CLDN7: variants seen among roughly 807,000 people sequenced by gnomAD.
CLDN7 encodes the protein claudin 7.
CLDN7 carries 15 observed loss-of-function variants against 20.3 expected under a neutral mutation model. The observed-to-expected ratio is 0.74, with a 90% confidence interval of 0.49 to 1.14. The LOEUF is 1.14. Among genes scored for constraint, CLDN7 ranks in the 50% most tolerant of loss-of-function variants. The pLI, the probability that CLDN7 is intolerant of heterozygous loss-of-function variation, is 0.00. For synonymous variants in CLDN7, 117 were observed against 106.1 expected, an observed-to-expected ratio of 1.10 and a Z score of -0.63; for missense variants, 261 against 274.2, an observed-to-expected ratio of 0.95 and a Z score of 0.34.
chr17:7,260,878 C>T lies in CLDN7; in HGVS notation c.331G>A (p.Asp111Asn), dbSNP rs568777982. 1.2e-6 allele frequency: 2 copies of T among 1,614,252 alleles called. No individual in the cohort carries two copies. The highest frequency in any genetic ancestry group is 1.7e-6 in the Non-Finnish European group (2 of 1,180,056). Reference protein sequence around the residue: ...GMKCTRCGGDDKVKKARIAMG... With the variant: ...GMKCTRCGGDNKVKKARIAMG... The stretch of plus-strand genomic sequence containing the variant: ...GCTATACGGGCCTTCTTCACTTTGT[C>T]GTCTCCCCCACAGCGCGTGCACTTC... Residue 111 changes from aspartate (D) to asparagine (N), a missense_variant, in exon 2 of 4, where the codon GAC (aspartate) becomes AAC (asparagine). Coordinates refer to ENST00000360325, the MANE Select transcript of CLDN7 (RefSeq NM_001307.6).
In CLDN7 at chr17:7,260,476, TCCC is replaced by T. The variant is rs1208885081; in HGVS notation, c.531_533del (p.Gly179del). 6.2e-7 allele frequency: 1 copy of T among 1,613,388 alleles called. No homozygotes were observed. The highest frequency in any genetic ancestry group is 8.5e-7 in the Non-Finnish European group (1 of 1,179,794). On this transcript the variant is annotated inframe_deletion, in exon 4 of 4. Transcript: ENST00000360325. ...GACAGGAACAGGAGAGCAGTGCACC[TCCC>T]AGGATGACTAGGGCAGACCCTGCCC...
rs1216700220 is a variant in CLDN7, at chr17:7,260,009, T to C, written c.*365A>G. 3 of 340,970 alleles carry C rather than the reference T, an allele frequency of 8.8e-6. No individual in the cohort carries two copies. Among genetic ancestry groups the C allele is most frequent in the Non-Finnish European group, 1.6e-5 (3 of 188,014 alleles). 21.1% of individuals were successfully genotyped at this position (340,970 alleles called of 1,614,324 possible). On this transcript the variant is annotated 3_prime_UTR_variant, in exon 4 of 4. Coordinates refer to ENST00000360325, the MANE Select transcript of CLDN7 (RefSeq NM_001307.6). ...GTCGAGATACGAGCACCTGCATCTT[T>C]TAGTCAATTGTCAGTGGAGTCAGTG...
At position 7,262,036 on chromosome 17, in the gene CLDN7, T is replaced by C. The variant is rs374655416; in HGVS notation, c.8A>G (p.Asn3Ser). Residue 3 changes from asparagine (N) to serine (S), a missense_variant, in exon 1 of 4, where the codon AAT becomes AGT. Physicochemically the swap from Asn to Ser is conservative, Grantham distance 46 (BLOSUM62 1). This residue lies in a region of CLDN7 where 46 missense variants were observed against 74.6 expected (regional missense o/e 0.62). Coordinates refer to ENST00000360325, the MANE Select transcript of CLDN7 (RefSeq NM_001307.6). The surrounding 1 kb of genome is among the most constrained non-coding windows in gnomAD (Gnocchi z 6.6). Reference protein sequence around the residue: MANSGLQLLGFSM... With the variant: MASSGLQLLGFSM... Reference sequence around the variant, plus strand: ...GAAGCCCAGCAACTGCAGGCCCGAATTGGCCATTTCCGCCCTCAGAAAACA... The same window carrying C: ...GAAGCCCAGCAACTGCAGGCCCGAACTGGCCATTTCCGCCCTCAGAAAACA... 44 of 1,611,714 alleles carry C rather than the reference T, an allele frequency of 2.7e-5. No individual in the cohort carries two copies. The African/African-American group carries it at 5.2e-4, about 19-fold the overall frequency.
Position 7,262,472 on chromosome 17 carries a change from T to G in CLDN7, c.-429A>C. ...GGTGGCTCGGAGGTGAGCCAGCAGG[T>G]GCGGGCGGACAGGTGGGGCGCACCT... On this transcript the variant is annotated 5_prime_UTR_variant, in exon 1 of 4. Coordinates refer to ENST00000360325, the MANE Select transcript of CLDN7 (RefSeq NM_001307.6). This position sits in a 1 kb window ranked among gnomAD's most constrained non-coding sequence, Gnocchi z 6.6. 2.1e-6 allele frequency: 2 copies of G among 967,308 alleles called. No individual in the cohort carries two copies. Among genetic ancestry groups the G allele is most frequent in the South Asian group, 3.9e-5 (1 of 25,516 alleles). The allele number at this position is 967,308 out of a possible 1,614,324, so 59.9% of individuals were successfully genotyped here.
chr17:7,262,524 G>C, upstream of CLDN7: 2 of 538,726 alleles, frequency 3.7e-6, no homozygotes, highest in South Asian at 1.6e-4. This position sits in a 1 kb window ranked among gnomAD's most constrained non-coding sequence, Gnocchi z 6.6. Flanking sequence ...TCGGGGGCGC[G>C]GCCCGCGCGC....
At chr17:7,261,266 A>G in intron 1 of CLDN7, 1 of 477,702 alleles carries the variant, frequency 2.1e-6, no homozygotes, top group South Asian at 2.4e-5. Flanking sequence ...GGAAGGGTGA[A>G]AGGGTGCAGC....
In CLDN7 at chr17:7,259,963, AAG is replaced by A. The variant is rs926572189; in HGVS notation, c.*409_*410del. On this transcript the variant is annotated 3_prime_UTR_variant, in exon 4 of 4. Coordinates refer to ENST00000360325, the MANE Select transcript of CLDN7 (RefSeq NM_001307.6). ...GAAGTACTTTGGTAGCTATTTAAAT[AAG>A]AGGGGGGTGGGAATGAATGTCGAGA... 3.7e-5 allele frequency: 14 copies of A among 374,142 alleles called. No homozygotes were observed. The highest frequency in any genetic ancestry group is 2.1e-4 in the Admixed American group (5 of 23,360). 23.2% of individuals were successfully genotyped at this position (374,142 alleles called of 1,614,324 possible). A position where few individuals can be genotyped will look rare whatever the true frequency, so the allele number is the denominator to read the frequency against.
intron 1 of CLDN7, 46 bp from the exon 2 acceptor site, chr17:7,261,031 G>T (rs999018882): frequency 6.4e-7 from 1 of 1,563,774 alleles, no homozygotes; most frequent in East Asian, 2.3e-5. Context: ...AAATGCAGGC[G>T]GCTCCAGCCT....
Position 7,260,087 on chromosome 17 carries a change from G to GC in CLDN7, c.*286dup. On this transcript the variant is annotated 3_prime_UTR_variant, in exon 4 of 4. Coordinates refer to ENST00000360325, the MANE Select transcript of CLDN7 (RefSeq NM_001307.6). ...GGTGCACTAAGGTTCCAAGCTCCCTGCAAGGATCTGGACGGGAGGAAAGCA... is the reference window on the plus strand; with the variant it reads ...GGTGCACTAAGGTTCCAAGCTCCCTGCCAAGGATCTGGACGGGAGGAAAGCA... 2.9e-6 allele frequency: 1 copy of GC among 340,718 alleles called. No individual in the cohort carries two copies. The highest frequency in any genetic ancestry group is 5.3e-6 in the Non-Finnish European group (1 of 187,274). 21.1% of individuals were successfully genotyped at this position (340,718 alleles called of 1,614,324 possible). A position where few individuals can be genotyped will look rare whatever the true frequency, so the allele number is the denominator to read the frequency against.
At chr17:7,261,277 G>A (rs907698710) in intron 1 of CLDN7, 3 of 438,042 alleles carry the variant, frequency 6.8e-6, no homozygotes, top group East Asian at 4.4e-5. Context: ...AGGGTGCAGC[G>A]AAGAGAAGCC....
In CLDN7 at chr17:7,262,010, A is replaced by G. The variant is rs2072234516; in HGVS notation, c.34T>C (p.Ser12Pro). The G allele has an allele frequency of 6.2e-7, 1 of 1,613,828 alleles. No individual in the cohort carries two copies. Among genetic ancestry groups the G allele is most frequent in the Non-Finnish European group, 8.5e-7 (1 of 1,179,994 alleles). ...CCCACCCAGCCCAGCAGGGCCATGGAGAAGCCCAGCAACTGCAGGCCCGAA... is the reference window on the plus strand; with the variant it reads ...CCCACCCAGCCCAGCAGGGCCATGGGGAAGCCCAGCAACTGCAGGCCCGAA... ...ANSGLQLLGFSMALLGWVGLV... is the reference protein window; with the variant it reads ...ANSGLQLLGFPMALLGWVGLV... The change falls in exon 1 of 4, where the codon TCC becomes CCC. Residue 12 changes from serine to proline, a missense_variant. By Grantham distance (74) the Ser-to-Pro change is moderately conservative (BLOSUM62 -1). Transcript: ENST00000360325. This position sits in a 1 kb window ranked among gnomAD's most constrained non-coding sequence, Gnocchi z 6.6.
Position 7,262,325 on chromosome 17 carries a change from C to G in CLDN7, c.-282G>C, listed in dbSNP as rs897803569. The G allele has an allele frequency of 2.3e-6, 3 of 1,323,544 alleles. No individual in the cohort carries two copies. The highest frequency in any genetic ancestry group is 3.0e-5 in the African/African-American group (2 of 67,258). 82.0% of individuals were successfully genotyped at this position (1,323,544 alleles called of 1,614,324 possible). On this transcript the variant is annotated 5_prime_UTR_variant, in exon 1 of 4. Transcript: ENST00000360325. The surrounding 1 kb of genome is among the most constrained non-coding windows in gnomAD (Gnocchi z 6.6). ...GTCCCCGAAGGCCAGGCGGTTCCCT[C>G]CGGGCGCTCTCGGCGACCCTAGGCA...
At chr17:7,261,039 C>A (rs1156546911) in intron 1 of CLDN7, 54 bp from the exon 2 acceptor site, 12 of 1,547,126 alleles carry the variant, frequency 7.8e-6, no homozygotes, top group Non-Finnish European at 1.0e-5. Flanking sequence ...GCGGCTCCAG[C>A]CTTCGTGCCG....
chr17:7,261,130 G>T, intron 1 of CLDN7, 145 bp from the exon 2 acceptor site: 1 of 1,130,418 alleles, frequency 8.8e-7, no homozygotes, highest in Non-Finnish European at 1.2e-6. Context: ...AGGTGTCCAA[G>T]ACCTGGGCCA....
rs1393316222 is a variant in CLDN7 at position 7,261,110 on chromosome 17, AG to A, written c.224-126del. On this transcript the variant is annotated intron_variant, in intron 1 of 3. Coordinates refer to ENST00000360325, the MANE Select transcript of CLDN7 (RefSeq NM_001307.6). ...CCGGCGCCGTGTTCTGCCGAGGGCCAGGGGCGCCCAGGTGTCCAAGACCTGG... is the reference window on the plus strand; with the variant it reads ...CCGGCGCCGTGTTCTGCCGAGGGCCAGGGCGCCCAGGTGTCCAAGACCTGG... 7.6e-6 allele frequency: 10 copies of A among 1,319,994 alleles called. No homozygotes were observed. In the East Asian group the frequency reaches 2.5e-4, roughly 33 times the overall value. The allele number at this position is 1,319,994 out of a possible 1,614,324, so 81.8% of individuals were successfully genotyped here. A position where few individuals can be genotyped will look rare whatever the true frequency, so the allele number is the denominator to read the frequency against.
Position 7,262,326 on chromosome 17 carries a change from C to T in CLDN7, c.-283G>A, listed in dbSNP as rs2072239544. On this transcript the variant is annotated 5_prime_UTR_variant, in exon 1 of 4. Transcript: ENST00000360325. This position sits in a 1 kb window ranked among gnomAD's most constrained non-coding sequence, Gnocchi z 6.6. ...TCCCCGAAGGCCAGGCGGTTCCCTC[C>T]GGGCGCTCTCGGCGACCCTAGGCAA... 1 of 1,310,982 alleles carries T rather than the reference C, an allele frequency of 7.6e-7. No individual in the cohort carries two copies. The highest frequency in any genetic ancestry group is 1.6e-5 in the South Asian group (1 of 61,562). The allele number at this position is 1,310,982 out of a possible 1,614,324, so 81.2% of individuals were successfully genotyped here.
intron 1 of CLDN7, 70 bp from the exon 2 acceptor site, chr17:7,261,055 C>T: frequency 6.6e-7 from 1 of 1,515,130 alleles, no homozygotes; most frequent in South Asian, 1.2e-5. Flanking sequence ...TGCCGCCGGC[C>T]GCGCCCACTA....
At position 7,260,967 on chromosome 17, in the gene CLDN7, C is replaced by A. The variant is rs769041772; in HGVS notation, c.242G>T (p.Arg81Leu). ...LALSAALQATRALMVVSLVLG... is the reference protein window; with the variant it reads ...LALSAALQATLALMVVSLVLG... The stretch of plus-strand genomic sequence containing the variant: ...CACCAGGGAGACCACCATTAGGGCT[C>A]GAGTGGCCTGCAAGGCCGCTGCGGG... Residue 81 changes from arginine to leucine, a missense_variant, in exon 2 of 4, where the codon CGA (arginine) becomes CTA (leucine). Physicochemically the swap from Arg to Leu is moderately radical, Grantham distance 102. Coordinates refer to ENST00000360325, the MANE Select transcript of CLDN7 (RefSeq NM_001307.6). 6.2e-7 allele frequency: 1 copy of A among 1,612,530 alleles called. No homozygotes were observed. Among genetic ancestry groups the A allele is most frequent in the Non-Finnish European group, 8.5e-7 (1 of 1,179,914 alleles).
intron 1 of CLDN7, chr17:7,261,187 C>T (rs1203868082): frequency 1.2e-5 from 8 of 668,180 alleles, no homozygotes; most frequent in Non-Finnish European, 2.0e-5. Context: ...TTCCTGCTCC[C>T]GCCCCGCCCT....
Sources: gnomAD v4.1 joint callset for allele counts on GRCh38, gnomAD v4.1.1 for gene constraint, gnomAD v4.1.1 regional missense constraint, Gnocchi (gnomAD v3.1) non-coding constraint, MANE v1.5 for transcripts, NCBI Gene and HGNC (gene_info 2026-07-23, HGNC 2026-07-21) for gene names.